The following XAF1 variants were observed in gnomAD, a reference collection of about 807,000 sequenced individuals.
XAF1 encodes XIAP associated factor 1.
Under a neutral mutation model 32.3 loss-of-function variants are expected in XAF1, and 32 were observed. The ratio of observed to expected loss-of-function variants is 0.99; its 90% confidence interval spans 0.75 to 1.33. The LOEUF (loss-of-function observed/expected upper bound fraction) is 1.33, where lower values mean the gene tolerates loss of function less well. Ranked by LOEUF, XAF1 falls within the 40% of genes most tolerant of loss-of-function variation. XAF1 has a pLI of 0.00. For synonymous variants in XAF1, 120 were observed against 125.9 expected (o/e 0.95, Z 0.31); for missense variants, 379 against 366.0 (o/e 1.04, Z -0.29).
chr17:6,769,750 T>C (rs1257119374), intron 5 of XAF1, among the ~76,000 whole-genome samples: 1 of 152,202 alleles, frequency 6.6e-6, no homozygotes, highest in Non-Finnish European at 1.5e-5. Context: ...AATGTTTATG[T>C]TAATTCTTCT....
intron 2 of XAF1, 132 bp from the exon 3 acceptor site, chr17:6,759,530 C>A (rs558681690): frequency 1.3e-6 from 2 of 1,517,346 alleles, no homozygotes; most frequent in East Asian, 2.4e-5. Context: ...GTAGCCACAT[C>A]GGATCCCTGC....
At chr17:6,755,687 G>T, upstream of XAF1, 1 of 1,051,864 alleles carries the variant, frequency 9.5e-7, no homozygotes. Flanking sequence ...AGGACCAGAA[G>T]GGAGCCGGAG....
intron 3 of XAF1, 107 bp from the exon 4 acceptor site, chr17:6,760,299 G>A: frequency 8.9e-7 from 1 of 1,126,704 alleles, no homozygotes; most frequent in Non-Finnish European, 1.2e-6. Flanking sequence ...AGTGAGCCAA[G>A]ATCAAGCCAC....
intron 5 of XAF1, among the ~76,000 whole-genome samples, chr17:6,762,940 T>C (rs188353456): frequency 8.5e-5 from 13 of 152,368 alleles, no homozygotes; most frequent in Admixed American, 7.2e-4. Context: ...AAAGAAACCA[T>C]AGAGACGATC....
chr17:6,773,360 A>C lies in XAF1; in HGVS notation c.*191A>C, dbSNP rs1471508781. ...TAGATACAGAAAAGGCTTTTGATAA[A>C]ATTCAACTTGACTTCATGTTAAAAA... On this transcript the variant is annotated 3_prime_UTR_variant, in exon 7 of 7. Transcript: ENST00000361842. 5 of 503,778 alleles carry C rather than the reference A, an allele frequency of 9.9e-6. No individual in the cohort carries two copies. 31.2% of individuals were successfully genotyped at this position (503,778 alleles called of 1,614,324 possible). A position where few individuals can be genotyped will look rare whatever the true frequency, so the allele number is the denominator to read the frequency against.
At chr17:6,766,329 A>G (rs1480219210) in intron 5 of XAF1, among the ~76,000 whole-genome samples, 1 of 152,202 alleles carries the variant, frequency 6.6e-6, no homozygotes, top group African/African-American at 2.4e-5. Context: ...CAGAAAAACT[A>G]TAAGCCCCAC....
intron 5 of XAF1, among the ~76,000 whole-genome samples, chr17:6,764,757 G>A (rs1283195788): frequency 6.6e-6 from 1 of 152,120 alleles, no homozygotes; most frequent in East Asian, 1.9e-4. Flanking sequence ...TGAGCTAGTT[G>A]TCTATAAGTA....
intron 4 of XAF1, 121 bp from the exon 5 acceptor site, chr17:6,762,034 C>T: frequency 3.9e-6 from 6 of 1,557,790 alleles, no homozygotes; most frequent in Non-Finnish European, 5.2e-6. Context: ...AAAGTCAAGA[C>T]CAGGCAGGTC....
chr17:6,765,400 G>A (rs763859734), intron 5 of XAF1, among the ~76,000 whole-genome samples: 17 of 152,100 alleles, frequency 1.1e-4, no homozygotes, highest in South Asian at 2.1e-4. Context: ...GCGACAGAGC[G>A]AGACTCCATC....
At chr17:6,764,711 A>T (rs545519637) in intron 5 of XAF1, among the ~76,000 whole-genome samples, 1 of 152,050 alleles carries the variant, frequency 6.6e-6, no homozygotes, top group African/African-American at 2.4e-5. Flanking sequence ...ATAAGCTACC[A>T]TCTTGTTTCT....
intron 5 of XAF1, among the ~76,000 whole-genome samples, chr17:6,762,528 T>C (rs1975302841): frequency 6.6e-6 from 1 of 152,288 alleles, no homozygotes; most frequent in Admixed American, 6.5e-5. Flanking sequence ...GCCTGGACAT[T>C]GCAATTTGGT....
At position 6,761,845 on chromosome 17, in the gene XAF1, G is replaced by C. The variant is rs1024014968; in HGVS notation, c.422-310G>C. 1.1e-5 allele frequency: 15 copies of C among 1,389,530 alleles called. No homozygotes were observed. In the African/African-American group the frequency reaches 2.0e-4, roughly 19 times the overall value. 86.1% of individuals were successfully genotyped at this position (1,389,530 alleles called of 1,614,324 possible). ...ATGAAAGAGCACAGTCAGAATGGAG[G>C]GGGTTGGCATCCGTGGCTACAGCTC... On this transcript the variant is annotated intron_variant, in intron 4 of 6. Transcript: ENST00000361842.
At chr17:6,764,567 G>T (rs755819693) in intron 5 of XAF1, among the ~76,000 whole-genome samples, 1 of 151,650 alleles carries the variant, frequency 6.6e-6, no homozygotes, top group Non-Finnish European at 1.5e-5. Flanking sequence ...TGCACGAAAA[G>T]AATTTTTTTT....
At chr17:6,761,700 A>G in intron 4 of XAF1, 1 of 518,438 alleles carries the variant, frequency 1.9e-6, no homozygotes, top group Admixed American at 4.0e-5. Context: ...AATCAAACAC[A>G]GTCTTCAACA....
At chr17:6,759,512 A>G (rs1157268865) in intron 2 of XAF1, 150 bp from the exon 3 acceptor site, 1 of 1,483,226 alleles carries the variant, frequency 6.7e-7, no homozygotes. Context: ...TGCTAGAGAG[A>G]CACTGAGGTA....
rs376820356 is a variant in XAF1 at position 6,758,206 on chromosome 17, C to T, written c.150C>T (p.Cys50=). Residue 50 remains cysteine, a synonymous_variant, in exon 2 of 7, where the codon TGC becomes TGT. Coordinates refer to ENST00000361842, the MANE Select transcript of XAF1 (RefSeq NM_017523.5). ...CCAAGGAAACCATGGAGGAGCACTG[C>T]AAGCTTGAGCACCAGCAGGTGAGGA... The part of the protein sequence containing the change: ...PVPKETMEEH[C]KLEHQQVGCT... 4.6e-5 allele frequency: 75 copies of T among 1,614,066 alleles called. No homozygotes were observed. The highest frequency in any genetic ancestry group is 5.7e-5 in the Non-Finnish European group (67 of 1,180,042).
At chr17:6,771,883 A>G (rs898398979) in intron 6 of XAF1, 3 of 152,212 alleles carry the variant, frequency 2.0e-5, no homozygotes, top group African/African-American at 7.2e-5. Context: ...TCTTATGGGC[A>G]TCTTTTCAAA....
At position 6,770,679 on chromosome 17, in the gene XAF1, T is replaced by G. The variant is rs924690312; in HGVS notation, c.544T>G (p.Phe182Val). 1.1e-5 allele frequency: 17 copies of G among 1,607,418 alleles called. No homozygotes were observed. Among genetic ancestry groups the G allele is most frequent in the Non-Finnish European group, 1.4e-5 (17 of 1,178,122 alleles). Residue 182 changes from phenylalanine (F) to valine (V), a missense_variant, in exon 6 of 7, where the codon TTT becomes GTT. By Grantham distance (50) the Phe-to-Val change is conservative. Transcript: ENST00000361842. ...CCPDSEFKKH[F>V]PVGNPEILPS... The stretch of plus-strand genomic sequence containing the variant: ...TCCAGACTCAGAGTTTAAGAAACAC[T>G]TTCCTGTTGGAAATCCAGAAATTCT...
At chr17:6,756,145 C>A in intron 1 of XAF1, 35 bp downstream of exon 1, 1 of 1,613,886 alleles carries the variant, frequency 6.2e-7, no homozygotes, top group South Asian at 1.1e-5. Context: ...CAGACCCGGG[C>A]TGGCGAGGGA....
Sources: allele counts gnomAD v4.1 joint callset (sites outside exome capture counted in the v4.1 genomes callset), GRCh38; gene constraint gnomAD v4.1.1; transcripts MANE v1.5; gene names NCBI Gene and HGNC (gene_info 2026-07-23, HGNC 2026-07-21).